The following CERS6 variants were observed in gnomAD, a reference collection of about 807,000 sequenced individuals.
CERS6 encodes the protein LAG1 homolog, ceramide synthase 6.
In CERS6, 26 loss-of-function variants were observed where a neutral mutation model predicts 56.8. The ratio of observed to expected loss-of-function variants is 0.46; its 90% CI spans 0.34 to 0.63. The LOEUF (loss-of-function observed/expected upper bound fraction) is 0.63. Among genes scored for constraint, CERS6 ranks in the 30% least tolerant of loss-of-function variants. The pLI, the probability that CERS6 is intolerant of heterozygous loss-of-function variation, is 0.01. For synonymous variants in CERS6, 164 were observed against 173.3 expected, an observed-to-expected ratio of 0.95 and a Z score of 0.42; for missense variants, 415 against 467.5, an observed-to-expected ratio of 0.89 and a Z score of 1.04.
intron 2 of CERS6, among the ~76,000 whole-genome samples, chr2:168,557,629 T>A (rs531373970): frequency 3.3e-5 from 5 of 152,290 alleles, no homozygotes; most frequent in African/African-American, 1.2e-4. Flanking sequence ...TACCAATATG[T>A]ATTCCAAATG....
intron 1 of CERS6, among the ~76,000 whole-genome samples, chr2:168,543,307 C>T (rs185073660): frequency 1.3e-5 from 2 of 152,216 alleles, no homozygotes; most frequent in Admixed American, 1.3e-4. Flanking sequence ...ATAGAGGTAA[C>T]CATCAAAGCT....
intron 1 of CERS6, among the ~76,000 whole-genome samples, chr2:168,499,272 G>A (rs967718556): frequency 6.6e-6 from 1 of 152,172 alleles, no homozygotes; most frequent in Non-Finnish European, 1.5e-5. Flanking sequence ...TATAAGAGCC[G>A]AAACCAAAGC....
intron 8 of CERS6, among the ~76,000 whole-genome samples, chr2:168,759,191 G>C (rs1684497556): frequency 6.6e-6 from 1 of 152,172 alleles, no homozygotes; most frequent in Non-Finnish European, 1.5e-5. Context: ...GCACAGCTTT[G>C]CCCTGTAGGT....
At chr2:168,558,891 T>C (rs2105379955) in intron 2 of CERS6, among the ~76,000 whole-genome samples, 1 of 152,234 alleles carries the variant, frequency 6.6e-6, no homozygotes, top group South Asian at 2.1e-4. Context: ...GAAACTGATT[T>C]AATAATAACT....
intron 1 of CERS6, among the ~76,000 whole-genome samples, chr2:168,490,347 A>C (rs888937883): frequency 2.0e-5 from 3 of 151,888 alleles, no homozygotes; most frequent in Non-Finnish European, 4.4e-5. Context: ...GGTTTCCTGG[A>C]GTATGAGTGG....
intron 3 of CERS6, among the ~76,000 whole-genome samples, chr2:168,581,631 C>A (rs1172801200): frequency 6.6e-6 from 1 of 152,104 alleles, no homozygotes; most frequent in Non-Finnish European, 1.5e-5. Flanking sequence ...TCTGTTTCAT[C>A]TTTTAAAAAC....
chr2:168,602,203 G>A (rs779193605), intron 3 of CERS6, among the ~76,000 whole-genome samples: 1 of 152,104 alleles, frequency 6.6e-6, no homozygotes, highest in Non-Finnish European at 1.5e-5. Context: ...AAGATGTAAG[G>A]GAATTGATTT....
At chr2:168,470,297 C>T (rs1340214872) in intron 1 of CERS6, among the ~76,000 whole-genome samples, 1 of 151,510 alleles carries the variant, frequency 6.6e-6, no homozygotes, top group African/African-American at 2.4e-5. Context: ...ATGGGAGGAT[C>T]GCTTGAGCTC....
At chr2:168,591,964 A>G (rs1457328851) in intron 3 of CERS6, among the ~76,000 whole-genome samples, 5 of 152,154 alleles carry the variant, frequency 3.3e-5, no homozygotes, top group Admixed American at 1.3e-4. Flanking sequence ...GGATTGAGGC[A>G]TTCTTTTCAT....
chr2:168,765,753 G>C lies in CERS6; in HGVS notation c.1002+5G>C. ...AAAGCTGTTTCAAGAGGCAAGGTAA[G>C]CTACAACTCACTTTTTCCAATATGT... On this transcript the variant is annotated splice_donor_5th_base_variant and intron_variant, in intron 9 of 9. Coordinates refer to ENST00000305747, the MANE Select transcript of CERS6 (RefSeq NM_203463.3). 1 of 1,603,994 alleles carries C rather than the reference G, an allele frequency of 6.2e-7. No individual in the cohort carries two copies. The highest frequency in any genetic ancestry group is 8.5e-7 in the Non-Finnish European group (1 of 1,176,376).
intron 1 of CERS6, among the ~76,000 whole-genome samples, chr2:168,471,685 C>T (rs1219347697): frequency 1.3e-5 from 2 of 152,178 alleles, no homozygotes; most frequent in Non-Finnish European, 2.9e-5. Flanking sequence ...CACTTGCCAG[C>T]CAATAACTAA....
chr2:168,532,341 G>A (rs1480566736), intron 1 of CERS6, among the ~76,000 whole-genome samples: 1 of 151,990 alleles, frequency 6.6e-6, no homozygotes, highest in Admixed American at 6.6e-5. Flanking sequence ...CCAGGAAGAA[G>A]CAATTTCTTT....
At chr2:168,621,341 C>T (rs1156753851) in intron 3 of CERS6, among the ~76,000 whole-genome samples, 1 of 152,110 alleles carries the variant, frequency 6.6e-6, no homozygotes, top group Admixed American at 6.6e-5. Context: ...ATTTTATTCC[C>T]TTTTTTATCC....
intron 3 of CERS6, among the ~76,000 whole-genome samples, chr2:168,591,159 C>T (rs78141725): frequency 0.032 from 4,810 of 152,298 alleles, 118 homozygotes; most frequent in Non-Finnish European, 0.048. Flanking sequence ...CCCCTGTATT[C>T]TGGACTATCC....
intron 4 of CERS6, among the ~76,000 whole-genome samples, chr2:168,678,624 T>C (rs1446224810): frequency 6.6e-6 from 1 of 152,162 alleles, no homozygotes. Context: ...CAGCTCTCCA[T>C]TCCTGGTGGG....
intron 1 of CERS6, among the ~76,000 whole-genome samples, chr2:168,526,515 G>A (rs1195636260): frequency 6.6e-6 from 1 of 152,166 alleles, no homozygotes; most frequent in Admixed American, 6.5e-5. Flanking sequence ...TATGTGCCAG[G>A]CACTTCACAC....
At chr2:168,692,091 A>G (rs891248843) in intron 5 of CERS6, among the ~76,000 whole-genome samples, 4 of 152,288 alleles carry the variant, frequency 2.6e-5, no homozygotes, top group African/African-American at 9.6e-5. Flanking sequence ...TCCAATTGGC[A>G]TTTTCATCTC....
At chr2:168,471,103 A>G (rs1430929165) in intron 1 of CERS6, among the ~76,000 whole-genome samples, 2 of 152,182 alleles carry the variant, frequency 1.3e-5, no homozygotes, top group Admixed American at 6.5e-5. Flanking sequence ...CAAGTAAACC[A>G]ATTTAGGACC....
chr2:168,477,214 A>G (rs1046551422), intron 1 of CERS6, among the ~76,000 whole-genome samples: 1 of 136,708 alleles, frequency 7.3e-6, no homozygotes, highest in Non-Finnish European at 1.6e-5. Context: ...AGAGAGAGAG[A>G]GAGAGTCTCA....
Sources: gnomAD v4.1 joint callset for allele counts (sites outside exome capture counted in the v4.1 genomes callset) on GRCh38, gnomAD v4.1.1 for gene constraint, MANE v1.5 for transcripts, NCBI Gene and HGNC (gene_info 2026-07-23, HGNC 2026-07-21) for gene names.